MARCHF1: variants seen among roughly 807,000 people sequenced by gnomAD.
The protein encoded by MARCHF1 is E3 ubiquitin-protein ligase MARCHF1.
In MARCHF1, 40 loss-of-function variants were observed where a neutral mutation model predicts 54.2. The ratio of observed to expected loss-of-function variants is 0.74; its 90% CI spans 0.57 to 0.96. The LOEUF (loss-of-function observed/expected upper bound fraction) is 0.96, where lower values mean the gene tolerates loss of function less well. MARCHF1 is among the 40% of genes least tolerant of loss of function. The pLI is 0.00. For synonymous variants in MARCHF1, 236 were observed against 236.3 expected (o/e 1.00, Z 0.01); for missense variants, 586 against 656.5 (o/e 0.89, Z 1.17).
intron 4 of MARCHF1, among the ~76,000 whole-genome samples, chr4:163,842,616 T>C (rs895871298): frequency 6.6e-5 from 10 of 152,168 alleles, no homozygotes; most frequent in Non-Finnish European, 1.0e-4. Flanking sequence ...GTACACTTCT[T>C]ATAATGCTGT....
At chr4:163,660,183 G>A (rs535425374) in intron 5 of MARCHF1, among the ~76,000 whole-genome samples, 1 of 152,138 alleles carries the variant, frequency 6.6e-6, no homozygotes, top group South Asian at 2.1e-4. Context: ...ACTGGATAAA[G>A]AAAATGTGGC....
intron 4 of MARCHF1, among the ~76,000 whole-genome samples, chr4:163,805,084 T>C (rs1288324847): frequency 1.3e-5 from 2 of 152,114 alleles, no homozygotes; most frequent in African/African-American, 2.4e-5. Context: ...ATATATGATA[T>C]ATATACATAT....
At chr4:164,302,020 A>AT (rs1234507396) in intron 1 of MARCHF1, among the ~76,000 whole-genome samples, 1 of 152,220 alleles carries the variant, frequency 6.6e-6, no homozygotes. Flanking sequence ...GTATGGACGT[A>AT]TCAGTCTCTG....
chr4:163,529,377 A>G (rs148545506), intron 9 of MARCHF1, among the ~76,000 whole-genome samples: 1 of 152,188 alleles, frequency 6.6e-6, no homozygotes, highest in East Asian at 1.9e-4. Context: ...TTTATCCCTT[A>G]TAGCTAGACT....
At chr4:163,805,347 G>T (rs192195769) in intron 4 of MARCHF1, among the ~76,000 whole-genome samples, 14 of 147,800 alleles carry the variant, frequency 9.5e-5, no homozygotes, top group African/African-American at 3.5e-4. Context: ...GAAAGTAAAA[G>T]AAATAAAATA....
chr4:164,278,406 G>A (rs1406671458), intron 1 of MARCHF1, among the ~76,000 whole-genome samples: 1 of 152,168 alleles, frequency 6.6e-6, no homozygotes, highest in Non-Finnish European at 1.5e-5. Flanking sequence ...TTCTTCCCAA[G>A]TCACTAAATC....
intron 5 of MARCHF1, among the ~76,000 whole-genome samples, chr4:163,632,672 G>A (rs1055615974): frequency 1.3e-5 from 2 of 152,198 alleles, no homozygotes; most frequent in African/African-American, 4.8e-5. Flanking sequence ...GCTGGGGGAG[G>A]GGCGCCCACC....
chr4:164,368,003 TA>T (rs1730926037), intron 1 of MARCHF1, among the ~76,000 whole-genome samples: 2 of 148,352 alleles, frequency 1.3e-5, no homozygotes, highest in Middle Eastern at 3.6e-3. Flanking sequence ...TCAGAAAAGA[TA>T]AAAATGTTAA....
At chr4:163,928,364 A>G (rs1447617513) in intron 3 of MARCHF1, among the ~76,000 whole-genome samples, 1 of 151,990 alleles carries the variant, frequency 6.6e-6, no homozygotes, top group Admixed American at 6.6e-5. Flanking sequence ...AAGCAGAACA[A>G]CAAGTGCAAG....
intron 5 of MARCHF1, among the ~76,000 whole-genome samples, chr4:163,684,630 A>C (rs79171630): frequency 6.6e-6 from 1 of 152,304 alleles, no homozygotes; most frequent in African/African-American, 2.4e-5. Context: ...CATGATCAAT[A>C]TTTACTTCTT....
At chr4:163,793,936 G>A (rs1747841154) in intron 4 of MARCHF1, among the ~76,000 whole-genome samples, 1 of 152,164 alleles carries the variant, frequency 6.6e-6, no homozygotes. Flanking sequence ...GAAGCTCCCG[G>A]CTGAATAAAG....
rs190932143 is a variant in MARCHF1 at position 163,836,748 on chromosome 4, T to G, written c.111+17273A>C. Among the ~76,000 whole-genome samples, 248 of 40,524 alleles carry G rather than the reference T, an allele frequency of 6.1e-3. 1 individual carries two copies. The highest frequency in any genetic ancestry group is 0.011 in the African/African-American group (240 of 21,350). 26.6% of individuals were successfully genotyped at this position (40,524 alleles called of 152,430 possible). A position where few individuals can be genotyped will look rare whatever the true frequency, so the allele number is the denominator to read the frequency against. On this transcript the variant is annotated intron_variant, in intron 4 of 9. Coordinates refer to ENST00000514618, the MANE Select transcript of MARCHF1 (RefSeq NM_001394959.1). ...GGTAAGTGTGACCCCCAATAAACAG[T>G]GATACCAAGTGCGCCATTGGCAGCA...
chr4:164,316,978 C>A (rs555427098), intron 1 of MARCHF1, among the ~76,000 whole-genome samples: 2 of 152,232 alleles, frequency 1.3e-5, no homozygotes, highest in South Asian at 4.2e-4. Flanking sequence ...AAACCATGAG[C>A]CAATTAAGCC....
intron 3 of MARCHF1, among the ~76,000 whole-genome samples, chr4:163,954,102 T>C (rs572827876): frequency 6.6e-6 from 1 of 152,272 alleles, no homozygotes; most frequent in Non-Finnish European, 1.5e-5. Context: ...CATTTTTTAA[T>C]ACATAAAGAA....
At chr4:164,018,718 T>G (rs1753598985) in intron 2 of MARCHF1, among the ~76,000 whole-genome samples, 1 of 152,216 alleles carries the variant, frequency 6.6e-6, no homozygotes, top group South Asian at 2.1e-4. Context: ...ATAATTGACA[T>G]AACTTCTTGA....
intron 1 of MARCHF1, among the ~76,000 whole-genome samples, chr4:164,178,941 A>T (rs906464112): frequency 6.6e-6 from 1 of 152,174 alleles, no homozygotes; most frequent in Non-Finnish European, 1.5e-5. Flanking sequence ...TTCTTCCCCT[A>T]GAACCACCCC....
At chr4:163,999,678 A>G (rs1753148274) in intron 2 of MARCHF1, among the ~76,000 whole-genome samples, 1 of 151,684 alleles carries the variant, frequency 6.6e-6, no homozygotes, top group Non-Finnish European at 1.5e-5. Context: ...GAAGAAAATA[A>G]TAATGGCAAC....
At chr4:164,141,609 C>G (rs996932100) in intron 1 of MARCHF1, among the ~76,000 whole-genome samples, 2 of 152,196 alleles carry the variant, frequency 1.3e-5, no homozygotes, top group Non-Finnish European at 2.9e-5. Context: ...CAACATAGAG[C>G]CCATGATTTC....
intron 2 of MARCHF1, among the ~76,000 whole-genome samples, chr4:164,048,441 T>C (rs999599294): frequency 2.6e-5 from 4 of 152,278 alleles, no homozygotes; most frequent in African/African-American, 7.2e-5. Flanking sequence ...CAAAATTGTC[T>C]ATTTTAGAAA....
Sources: gnomAD v4.1 joint callset for allele counts (sites outside exome capture counted in the v4.1 genomes callset) on GRCh38, gnomAD v4.1.1 for gene constraint, MANE v1.5 for transcripts, NCBI Gene and HGNC (gene_info 2026-07-23, HGNC 2026-07-21) for gene names.